SEMA3D: variants seen among roughly 807,000 people sequenced by gnomAD.
SEMA3D encodes semaphorin-3D.
SEMA3D carries 84 observed loss-of-function variants against 100.1 expected under a neutral mutation model. That is an observed-to-expected ratio of 0.84 (90% CI 0.70 to 1.01). The LOEUF (loss-of-function observed/expected upper bound fraction) is 1.01. SEMA3D is among the 50% of genes least tolerant of loss of function. The pLI, the probability that SEMA3D is intolerant of heterozygous loss-of-function variation, is 0.00. For synonymous variants in SEMA3D, 312 were observed against 320.7 expected, an observed-to-expected ratio of 0.97 and a Z score of 0.29; for missense variants, 875 against 934.1, an observed-to-expected ratio of 0.94 and a Z score of 0.82.
chr7:85,130,818 T>A (rs1190288231), intron 2 of SEMA3D, among the ~76,000 whole-genome samples: 1 of 152,138 alleles, frequency 6.6e-6, no homozygotes, highest in Non-Finnish European at 1.5e-5. Context: ...CCAGGTCATA[T>A]CTTCCGTAAC....
chr7:85,172,644 G>T (rs1026593409), intron 1 of SEMA3D, among the ~76,000 whole-genome samples: 4 of 151,938 alleles, frequency 2.6e-5, no homozygotes, highest in African/African-American at 4.8e-5. Flanking sequence ...CTTCTGTTAG[G>T]CAACTTGATT....
chr7:85,127,393 C>T (rs1378063205), intron 2 of SEMA3D, among the ~76,000 whole-genome samples: 1 of 152,058 alleles, frequency 6.6e-6, no homozygotes, highest in African/African-American at 2.4e-5. Flanking sequence ...GTTTGCATGC[C>T]TTATAGCCAT....
At chr7:85,148,675 CT>C (rs1465089503) in intron 2 of SEMA3D, among the ~76,000 whole-genome samples, 6 of 152,132 alleles carry the variant, frequency 3.9e-5, no homozygotes, top group African/African-American at 1.4e-4. Flanking sequence ...TACAATACAT[CT>C]CACAGGAACT....
At position 84,996,751 on chromosome 7, in the gene SEMA3D, G is replaced by A. The variant is rs1789511756; in HGVS notation, c.*2689C>T. On this transcript the variant is annotated 3_prime_UTR_variant, in exon 19 of 19. Transcript: ENST00000284136. The stretch of plus-strand genomic sequence containing the variant: ...AAAATACGAAAACATGAGTAAACAG[G>A]CATTTTAAGATCCCCTCCGCAGAGT... The A allele has an allele frequency of 6.6e-6, 1 of 151,934 alleles. No individual in the cohort carries two copies. Among genetic ancestry groups the A allele is most frequent in the Non-Finnish European group, 1.5e-5 (1 of 67,848 alleles). The allele number at this position is 151,934 out of a possible 1,614,324, so 9.4% of individuals were successfully genotyped here.
At chr7:85,126,375 C>CGTGTGTGTGTGT (rs34641872) in intron 2 of SEMA3D, among the ~76,000 whole-genome samples, 13 of 130,936 alleles carry the variant, frequency 9.9e-5, no homozygotes, top group South Asian at 5.5e-4. Context: ...GATTCTTTCT[C>CGTGTGTGTGTGT]GTGTGTGTGT....
rs1351219593 is a variant in SEMA3D, at chr7:85,044,216, C to G, written c.862-1931G>C. On this transcript the variant is annotated intron_variant, in intron 9 of 18. Transcript: ENST00000284136. ...CTAGAGAAAGGCATTTAAATGACTA[C>G]AACAAACAAGAGAATTTGAAATCTT... Among the ~76,000 whole-genome samples, 4 of 151,746 alleles carry G rather than the reference C, an allele frequency of 2.6e-5. No individual in the cohort carries two copies. In the East Asian group the frequency reaches 7.7e-4, roughly 29 times the overall value.
intron 3 of SEMA3D, among the ~76,000 whole-genome samples, chr7:85,120,486 G>A (rs1411850135): frequency 2.6e-5 from 4 of 151,756 alleles, no homozygotes; most frequent in Middle Eastern, 3.4e-3. Flanking sequence ...TGGCCAACAC[G>A]GTGAAACCCC....
intron 1 of SEMA3D, among the ~76,000 whole-genome samples, chr7:85,161,259 T>C (rs1169276626): frequency 1.3e-5 from 2 of 152,148 alleles, no homozygotes; most frequent in Non-Finnish European, 2.9e-5. Context: ...TAAAATCAAA[T>C]AATTGGTCCT....
intron 1 of SEMA3D, among the ~76,000 whole-genome samples, chr7:85,178,034 C>G (rs1791287015): frequency 6.6e-6 from 1 of 152,102 alleles, no homozygotes; most frequent in Non-Finnish European, 1.5e-5. Context: ...GGGCTTTCCC[C>G]CACTTCTCTC....
chr7:85,210,414 C>T, the SEMA3D span, among the ~76,000 whole-genome samples: 1 of 151,946 alleles, frequency 6.6e-6, no homozygotes, highest in Non-Finnish European at 1.5e-5. Flanking sequence ...CATTATTTGA[C>T]ATTCCATAGT....
chr7:85,242,675 T>G, the SEMA3D span, among the ~76,000 whole-genome samples: 1 of 152,178 alleles, frequency 6.6e-6, no homozygotes, highest in Non-Finnish European at 1.5e-5. Context: ...TACTTCTCCT[T>G]ATGGCTATAC....
At chr7:85,225,794 T>C in the SEMA3D span, among the ~76,000 whole-genome samples, 1 of 152,080 alleles carries the variant, frequency 6.6e-6, no homozygotes, top group Non-Finnish European at 1.5e-5. Flanking sequence ...AGTGGGGTAC[T>C]GAGGAGGCGA....
chr7:85,161,526 C>A (rs1330221043), intron 1 of SEMA3D, among the ~76,000 whole-genome samples: 1 of 151,996 alleles, frequency 6.6e-6, no homozygotes, highest in Non-Finnish European at 1.5e-5. Flanking sequence ...GCAAAGAAGA[C>A]AGGGCTGGAA....
intron 1 of SEMA3D, among the ~76,000 whole-genome samples, chr7:85,183,484 T>G (rs1791455672): frequency 1.3e-5 from 2 of 152,214 alleles, no homozygotes; most frequent in South Asian, 4.1e-4. Flanking sequence ...ATATGCTTCC[T>G]CTGCCTTTCT....
chr7:85,141,858 TTATAAAG>T, intron 2 of SEMA3D: 1 of 894,686 alleles, frequency 1.1e-6, no homozygotes, highest in Non-Finnish European at 1.3e-6. Flanking sequence ...AGGGCCCAGT[TTATAAAG>T]CCTTCACTGA....
intron 17 of SEMA3D, among the ~76,000 whole-genome samples, chr7:85,007,935 T>A (rs1206313432): frequency 6.6e-6 from 1 of 151,774 alleles, no homozygotes; most frequent in African/African-American, 2.4e-5. Context: ...TAATTTTGAA[T>A]TTATTTGTGT....
In SEMA3D at chr7:85,122,452, A is replaced by G. The variant is rs1433608350; in HGVS notation, c.-40-521T>C. On this transcript the variant is annotated intron_variant, in intron 2 of 18. Transcript: ENST00000284136. ...AATTTAAACTATTTTGTTATTTAAC[A>G]TTTTTTCCTTGACTAAAGTTGTTTT... Among the ~76,000 whole-genome samples, 3 of 152,136 alleles carry G rather than the reference A, an allele frequency of 2.0e-5. No individual in the cohort carries two copies. In the South Asian group the frequency reaches 6.2e-4, roughly 31 times the overall value.
intron 5 of SEMA3D, among the ~76,000 whole-genome samples, chr7:85,078,062 AGT>A (rs1388973941): frequency 1.3e-5 from 2 of 152,162 alleles, no homozygotes; most frequent in Admixed American, 6.5e-5. Context: ...AAAAAAAATA[AGT>A]GTTTTAAGTG....
At chr7:85,056,729 C>T (rs1232308800) in intron 8 of SEMA3D, among the ~76,000 whole-genome samples, 2 of 150,144 alleles carry the variant, frequency 1.3e-5, no homozygotes, top group Admixed American at 1.3e-4. Context: ...GTATTTATGA[C>T]AGAGTTCTAT....
Sources: allele counts gnomAD v4.1 joint callset (sites outside exome capture counted in the v4.1 genomes callset), GRCh38; gene constraint gnomAD v4.1.1; transcripts MANE v1.5; gene names NCBI Gene and HGNC (gene_info 2026-07-23, HGNC 2026-07-21).